BMPR1B: variants seen among roughly 807,000 people sequenced by gnomAD.
BMPR1B encodes bone morphogenetic protein receptor type 1B, also known as bone morphogenetic protein receptor type-1B.
A neutral mutation model predicts 59.1 loss-of-function variants in BMPR1B; 12 were observed. That is an observed-to-expected ratio of 0.20 (90% CI 0.13 to 0.33). The LOEUF (loss-of-function observed/expected upper bound fraction) is 0.33. Among genes scored for constraint, BMPR1B ranks in the 10% least tolerant of loss-of-function variants. The probability of loss-of-function intolerance (pLI) is 1.00; values close to 1 mark genes in which losing one functional copy is unlikely to be tolerated. For synonymous variants in BMPR1B, 237 were observed against 207.3 expected (o/e 1.14, Z -1.23); for missense variants, 550 against 610.9 (o/e 0.90, Z 1.05).
At chr4:94,861,627 T>C (rs1175816892) in intron 1 of BMPR1B, among the ~76,000 whole-genome samples, 1 of 152,152 alleles carries the variant, frequency 6.6e-6, no homozygotes, top group Non-Finnish European at 1.5e-5. Context: ...CATATACATA[T>C]ATGACCAAAC....
intron 2 of BMPR1B, among the ~76,000 whole-genome samples, chr4:94,959,843 ATTAT>A (rs1229372915): frequency 2.0e-5 from 3 of 152,178 alleles, no homozygotes; most frequent in African/African-American, 7.2e-5. Context: ...AGTTTTGTGC[ATTAT>A]TTATTATTTT....
intron 10 of BMPR1B, among the ~76,000 whole-genome samples, chr4:95,139,834 A>T (rs996822089): frequency 6.6e-6 from 1 of 152,168 alleles, no homozygotes; most frequent in East Asian, 1.9e-4. Context: ...ACCGTGTGTC[A>T]TGGCTTCCCT....
At chr4:95,119,170 T>A (rs1365217100) in intron 6 of BMPR1B, among the ~76,000 whole-genome samples, 1 of 152,132 alleles carries the variant, frequency 6.6e-6, no homozygotes, top group African/African-American at 2.4e-5. Flanking sequence ...TAGTTCTAGT[T>A]TTGGTTGAGT....
intron 1 of BMPR1B, among the ~76,000 whole-genome samples, chr4:94,779,613 C>T (rs1162782896): frequency 6.6e-6 from 1 of 152,060 alleles, no homozygotes; most frequent in African/African-American, 2.4e-5. Context: ...AGTGGATCAC[C>T]TGAGATAAGG....
intron 3 of BMPR1B, among the ~76,000 whole-genome samples, chr4:95,077,206 G>C (rs999929994): frequency 6.6e-6 from 1 of 152,088 alleles, no homozygotes; most frequent in African/African-American, 2.4e-5. Context: ...GGGAAAAAGA[G>C]AAATCAAATG....
intron 3 of BMPR1B, among the ~76,000 whole-genome samples, chr4:95,076,273 A>G (rs759143639): frequency 1.3e-5 from 2 of 152,066 alleles, no homozygotes; most frequent in African/African-American, 2.4e-5. Flanking sequence ...GTCTTATGCT[A>G]TAGTTAGCTT....
intron 2 of BMPR1B, among the ~76,000 whole-genome samples, chr4:94,943,289 G>A (rs997286127): frequency 3.3e-5 from 5 of 151,980 alleles, no homozygotes; most frequent in Non-Finnish European, 7.4e-5. Context: ...ACAGGCATGC[G>A]CCACCATGCC....
chr4:94,939,325 T>TC (rs776057515), intron 2 of BMPR1B, among the ~76,000 whole-genome samples: 3 of 152,206 alleles, frequency 2.0e-5, no homozygotes, highest in Non-Finnish European at 4.4e-5. Flanking sequence ...TAAGCAGTAA[T>TC]CCAACACTGT....
chr4:94,927,447 G>T (rs923340353), intron 2 of BMPR1B, among the ~76,000 whole-genome samples: 1 of 152,072 alleles, frequency 6.6e-6, no homozygotes, highest in Admixed American at 6.6e-5. Flanking sequence ...AGATGAATGG[G>T]GAAAGTAAAA....
intron 2 of BMPR1B, among the ~76,000 whole-genome samples, chr4:94,919,137 CA>C (rs1481606356): frequency 1.3e-5 from 2 of 152,164 alleles, no homozygotes; most frequent in Admixed American, 1.3e-4. Flanking sequence ...CCAACTCTTT[CA>C]ACATGGCTGT....
At chr4:94,915,762 A>T (rs1298044643) in intron 2 of BMPR1B, among the ~76,000 whole-genome samples, 2 of 152,210 alleles carry the variant, frequency 1.3e-5, no homozygotes, top group Non-Finnish European at 2.9e-5. Context: ...ACAAATAATC[A>T]CAAAAGCTTT....
intron 1 of BMPR1B, among the ~76,000 whole-genome samples, chr4:94,860,214 C>T (rs542919408): frequency 6.6e-6 from 1 of 152,234 alleles, no homozygotes; most frequent in South Asian, 2.1e-4. Context: ...GATTCTTTCA[C>T]TAATGGGAAA....
chr4:94,905,117 T>C (rs1560540336), intron 2 of BMPR1B, among the ~76,000 whole-genome samples: 1 of 152,034 alleles, frequency 6.6e-6, no homozygotes, highest in Non-Finnish European at 1.5e-5. Context: ...TGTCCAAAGA[T>C]GGGGAAAATT....
intron 3 of BMPR1B, among the ~76,000 whole-genome samples, chr4:95,045,537 G>A (rs1016450427): frequency 1.3e-5 from 2 of 152,042 alleles, no homozygotes; most frequent in African/African-American, 4.8e-5. Context: ...ACTCATAAAT[G>A]TACTGTACTG....
chr4:94,910,629 C>G (rs1363800136), intron 2 of BMPR1B, among the ~76,000 whole-genome samples: 1 of 151,996 alleles, frequency 6.6e-6, no homozygotes, highest in African/African-American at 2.4e-5. Context: ...AATTTCAGGC[C>G]AGGTATGGTG....
chr4:94,767,610 C>T (rs1474190317), intron 1 of BMPR1B, among the ~76,000 whole-genome samples: 1 of 152,146 alleles, frequency 6.6e-6, no homozygotes, highest in Non-Finnish European at 1.5e-5. Flanking sequence ...TAAACCCTCT[C>T]TGAAGAGAAA....
In BMPR1B at chr4:95,064,464, G is replaced by A. The variant is rs57451679; in HGVS notation, c.-17-39944G>A. ...AATCTAATGCCTGATGATCTGAGGT[G>A]GAACAAACCATCCCCCACCACCCCT... On this transcript the variant is annotated intron_variant, in intron 3 of 12. Transcript: ENST00000515059. 7.8e-3 allele frequency among the ~76,000 whole-genome samples: 1,184 copies of A among 152,158 alleles called. 16 individuals are homozygous for A. The highest frequency in any genetic ancestry group is 0.027 in the African/African-American group (1,120 of 41,512).
intron 3 of BMPR1B, among the ~76,000 whole-genome samples, chr4:95,054,139 A>T (rs1322964605): frequency 2.6e-5 from 4 of 152,236 alleles, no homozygotes; most frequent in African/African-American, 9.6e-5. Context: ...CATCAGGTGC[A>T]TAAAAATATT....
intron 1 of BMPR1B, among the ~76,000 whole-genome samples, chr4:94,804,446 A>G (rs1172817469): frequency 2.0e-5 from 3 of 152,280 alleles, no homozygotes; most frequent in East Asian, 3.9e-4. Flanking sequence ...TTAAATATCT[A>G]TTGATTTCTA....
Sources: gnomAD v4.1 joint callset for allele counts (sites outside exome capture counted in the v4.1 genomes callset) on GRCh38, gnomAD v4.1.1 for gene constraint, MANE v1.5 for transcripts, NCBI Gene and HGNC (gene_info 2026-07-23, HGNC 2026-07-21) for gene names.